PID1: variants seen among roughly 807,000 people sequenced by gnomAD.
The protein encoded by PID1 is phosphotyrosine interaction domain containing 1.
PID1 carries 10 observed loss-of-function variants against 19.1 expected under a neutral mutation model. That is an observed-to-expected ratio of 0.52 (90% CI 0.32 to 0.89). The LOEUF is 0.89. Among genes scored for constraint, PID1 ranks in the 40% least tolerant of loss-of-function variants. The pLI is 0.03. For synonymous variants in PID1, 130 were observed against 116.0 expected (o/e 1.12, Z -0.78); for missense variants, 248 against 285.3 (o/e 0.87, Z 0.94).
At position 229,025,464 on chromosome 2, in the gene PID1, C is replaced by G; in HGVS notation, c.*168G>C. 3.2e-6 allele frequency: 2 copies of G among 625,838 alleles called. No homozygotes were observed. The highest frequency in any genetic ancestry group is 5.7e-6 in the Non-Finnish European group (2 of 351,434). The allele number at this position is 625,838 out of a possible 1,614,324, so 38.8% of individuals were successfully genotyped here. A position where few individuals can be genotyped will look rare whatever the true frequency, so the allele number is the denominator to read the frequency against. On this transcript the variant is annotated 3_prime_UTR_variant, in exon 3 of 3. Coordinates refer to ENST00000392055, the MANE Select transcript of PID1 (RefSeq NM_001100818.2). ...AGCAGGTTTCAATGTAACGTAATTA[C>G]TTTAATGATACATTTCTTTAGATTT...
chr2:229,111,161 C>T (rs565127404), intron 2 of PID1, among the ~76,000 whole-genome samples: 3 of 152,122 alleles, frequency 2.0e-5, no homozygotes, highest in South Asian at 2.1e-4. Context: ...AACTGTGAGT[C>T]CATTAAACCT....
chr2:229,128,239 C>T (rs1221005794), intron 2 of PID1, among the ~76,000 whole-genome samples: 1 of 152,200 alleles, frequency 6.6e-6, no homozygotes. Context: ...TCTCAGAAGG[C>T]ACTTATTCCA....
chr2:229,134,940 C>T (rs1425969199), intron 2 of PID1, among the ~76,000 whole-genome samples: 2 of 149,436 alleles, frequency 1.3e-5, no homozygotes, highest in African/African-American at 2.5e-5. Context: ...ATGTACTAAC[C>T]TATTTTAGTT....
intron 2 of PID1, among the ~76,000 whole-genome samples, chr2:229,040,623 T>A (rs957043561): frequency 3.9e-5 from 6 of 152,076 alleles, no homozygotes; most frequent in Non-Finnish European, 5.9e-5. Context: ...ATATTCAACA[T>A]ATAACCAAAG....
At chr2:229,058,335 C>T (rs1304762406) in intron 2 of PID1, among the ~76,000 whole-genome samples, 1 of 152,176 alleles carries the variant, frequency 6.6e-6, no homozygotes, top group Non-Finnish European at 1.5e-5. Context: ...CAGGAACTTT[C>T]CAATGGTCTT....
At chr2:229,214,516 T>G (rs567757896) in intron 1 of PID1, among the ~76,000 whole-genome samples, 8 of 152,144 alleles carry the variant, frequency 5.3e-5, no homozygotes, top group Non-Finnish European at 1.0e-4. Context: ...AAAAACAGGA[T>G]TCTAGAATCA....
rs1399546944 is a variant in PID1 at position 229,165,869 on chromosome 2, G to C, written c.31-9905C>G. Among the ~76,000 whole-genome samples, 4 of 120,192 alleles carry C rather than the reference G, an allele frequency of 3.3e-5. No individual in the cohort carries two copies. The East Asian group carries it at 1.0e-3, about 31-fold the overall frequency. The allele number at this position is 120,192 out of a possible 152,430, so 78.9% of individuals were successfully genotyped here. On this transcript the variant is annotated intron_variant, in intron 1 of 2. Transcript: ENST00000392055. ...TGTAGACAATCCAACAATTCTTTTAGATAACCTAAAAAAAAGCAAACTACT... is the reference window on the plus strand; with the variant it reads ...TGTAGACAATCCAACAATTCTTTTACATAACCTAAAAAAAAGCAAACTACT...
intron 1 of PID1, among the ~76,000 whole-genome samples, chr2:229,167,435 T>C (rs1477659501): frequency 6.6e-6 from 1 of 151,694 alleles, no homozygotes; most frequent in Non-Finnish European, 1.5e-5. Flanking sequence ...ACTTCTGTAG[T>C]AGTCCTGCCA....
At chr2:229,069,176 T>TGTGTGA (rs751070345) in intron 2 of PID1, among the ~76,000 whole-genome samples, 23 of 150,934 alleles carry the variant, frequency 1.5e-4, no homozygotes, top group African/African-American at 5.6e-4. Context: ...TGTGTGTGTG[T>TGTGTGA]GTGAGATGAG....
intron 1 of PID1, among the ~76,000 whole-genome samples, chr2:229,208,539 G>A (rs1158718887): frequency 6.6e-6 from 1 of 152,212 alleles, no homozygotes; most frequent in East Asian, 1.9e-4. Context: ...TTTATGCAGA[G>A]ATCTAGGAGC....
chr2:229,031,793 G>A (rs563232936), intron 2 of PID1, among the ~76,000 whole-genome samples: 15 of 152,072 alleles, frequency 9.9e-5, no homozygotes, highest in South Asian at 2.1e-4. Flanking sequence ...CCCAAGTTCC[G>A]GAATCCTGAC....
At chr2:229,094,510 AGGGGCATCACATTGCCTGACTTC>A (rs1694936405) in intron 2 of PID1, among the ~76,000 whole-genome samples, 2 of 152,190 alleles carry the variant, frequency 1.3e-5, no homozygotes, top group African/African-American at 4.8e-5. Context: ...GAACAAATCT[AGGGGCATCACATTGCCTGACTTC>A]GAATTATACT....
intron 2 of PID1, among the ~76,000 whole-genome samples, chr2:229,084,958 G>A (rs1177973005): frequency 2.0e-5 from 3 of 149,932 alleles, no homozygotes; most frequent in Non-Finnish European, 4.5e-5. Flanking sequence ...GTAGAAAATC[G>A]AGTCACCTCT....
chr2:229,105,676 T>C (rs1695162178), intron 2 of PID1, among the ~76,000 whole-genome samples: 1 of 152,194 alleles, frequency 6.6e-6, no homozygotes, highest in Non-Finnish European at 1.5e-5. Flanking sequence ...TGTGCATCAT[T>C]TCATATCAGT....
intron 1 of PID1, among the ~76,000 whole-genome samples, chr2:229,235,470 T>C (rs1692304974): frequency 6.7e-6 from 1 of 149,486 alleles, no homozygotes; most frequent in Non-Finnish European, 1.5e-5. Flanking sequence ...GGTAACTAGA[T>C]GGGTGATTTG....
At chr2:229,027,050 A>G (rs1024528811) in intron 2 of PID1, among the ~76,000 whole-genome samples, 2 of 152,216 alleles carry the variant, frequency 1.3e-5, no homozygotes, top group South Asian at 2.1e-4. Flanking sequence ...ATTTAAAATT[A>G]GTGACACAAA....
At chr2:229,152,508 T>C (rs576539538) in intron 2 of PID1, among the ~76,000 whole-genome samples, 21 of 152,276 alleles carry the variant, frequency 1.4e-4, no homozygotes, top group Non-Finnish European at 1.5e-5. Context: ...TGAAGCCACC[T>C]AGGATTCCAT....
chr2:229,263,853 A>C (rs1160988656), intron 1 of PID1, among the ~76,000 whole-genome samples: 1 of 152,208 alleles, frequency 6.6e-6, no homozygotes, highest in South Asian at 2.1e-4. Flanking sequence ...CTACTGCCAA[A>C]GGCTGTTGGG....
chr2:229,068,534 C>A (rs759678994), intron 2 of PID1, among the ~76,000 whole-genome samples: 2 of 152,156 alleles, frequency 1.3e-5, no homozygotes, highest in African/African-American at 2.4e-5. Flanking sequence ...CTTTCCACTA[C>A]GTCATTTTGT....
Sources: gnomAD v4.1 joint callset for allele counts (sites outside exome capture counted in the v4.1 genomes callset) on GRCh38, gnomAD v4.1.1 for gene constraint, MANE v1.5 for transcripts, NCBI Gene and HGNC (gene_info 2026-07-23, HGNC 2026-07-21) for gene names.